KCNQ5: variants seen among roughly 807,000 people sequenced by gnomAD.
The protein encoded by KCNQ5 is potassium voltage-gated channel subfamily Q member 5, also known as potassium voltage-gated channel subfamily KQT member 5.
Under a neutral mutation model 98.2 loss-of-function variants are expected in KCNQ5, and 30 were observed. That is an observed-to-expected ratio of 0.31 (90% confidence interval 0.23 to 0.41). The LOEUF is 0.41. KCNQ5 is among the 10% of genes least tolerant of loss of function. KCNQ5 has a pLI of 1.00. For synonymous variants in KCNQ5, 458 were observed against 449.4 expected, an observed-to-expected ratio of 1.02 and a Z score of -0.24; for missense variants, 835 against 1,182.5, an observed-to-expected ratio of 0.71 and a Z score of 4.31.
chr6:72,790,935 T>C (rs1487032635), intron 1 of KCNQ5, among the ~76,000 whole-genome samples: 2 of 152,208 alleles, frequency 1.3e-5, no homozygotes, highest in African/African-American at 2.4e-5. Flanking sequence ...TGTTTGTTTT[T>C]AGTATGTGCC....
chr6:72,854,562 A>G (rs1777438877), intron 1 of KCNQ5, among the ~76,000 whole-genome samples: 1 of 151,884 alleles, frequency 6.6e-6, no homozygotes, highest in African/African-American at 2.4e-5. Context: ...GTCTTAAAAG[A>G]GAGAATAAGT....
At chr6:72,942,109 G>C (rs1196267918) in intron 1 of KCNQ5, among the ~76,000 whole-genome samples, 2 of 152,186 alleles carry the variant, frequency 1.3e-5, no homozygotes, top group Admixed American at 1.3e-4. Flanking sequence ...GAAGCTCAGG[G>C]AGGCAGGTAA....
chr6:72,842,828 G>C (rs1776857734), intron 1 of KCNQ5, among the ~76,000 whole-genome samples: 1 of 151,916 alleles, frequency 6.6e-6, no homozygotes, highest in South Asian at 2.1e-4. Flanking sequence ...CTTTTTGATG[G>C]GGCTCTTTGT....
chr6:73,175,482 C>A (rs539881499), intron 11 of KCNQ5, among the ~76,000 whole-genome samples: 1 of 152,246 alleles, frequency 6.6e-6, no homozygotes, highest in African/African-American at 2.4e-5. Context: ...CCATGAAGAG[C>A]AATCATGAGC....
chr6:73,144,206 A>G (rs996470994), intron 10 of KCNQ5, among the ~76,000 whole-genome samples: 2 of 152,210 alleles, frequency 1.3e-5, no homozygotes, highest in Non-Finnish European at 1.5e-5. Context: ...TGCTACCTGC[A>G]GTATAAAACT....
intron 1 of KCNQ5, among the ~76,000 whole-genome samples, chr6:72,658,855 C>T (rs1363422221): frequency 6.6e-6 from 1 of 152,132 alleles, no homozygotes; most frequent in East Asian, 1.9e-4. Context: ...GCTGGGATTA[C>T]AGGCATGAGC....
At chr6:73,155,889 G>T (rs1451698252) in intron 10 of KCNQ5, among the ~76,000 whole-genome samples, 1 of 152,184 alleles carries the variant, frequency 6.6e-6, no homozygotes, top group Non-Finnish European at 1.5e-5. Flanking sequence ...ACATTATCCA[G>T]AGTATTTTTC....
intron 1 of KCNQ5, among the ~76,000 whole-genome samples, chr6:72,812,519 G>A (rs746625852): frequency 2.0e-5 from 3 of 152,174 alleles, no homozygotes; most frequent in Non-Finnish European, 2.9e-5. Context: ...AAACCTCTGT[G>A]TACTGACATG....
chr6:73,147,615 A>G (rs16883411), intron 10 of KCNQ5, among the ~76,000 whole-genome samples: 6,216 of 152,216 alleles, frequency 0.041, 122 homozygotes, highest in East Asian at 0.078. Flanking sequence ...AGAGAGAGAC[A>G]TTTGTTTACT....
chr6:72,737,188 G>C (rs1038807062), intron 1 of KCNQ5, among the ~76,000 whole-genome samples: 1 of 152,120 alleles, frequency 6.6e-6, no homozygotes. Context: ...TTGAACTCCC[G>C]GCCTCAAGTG....
At chr6:73,020,539 G>T (rs536333997) in intron 2 of KCNQ5, among the ~76,000 whole-genome samples, 3 of 152,062 alleles carry the variant, frequency 2.0e-5, no homozygotes, top group South Asian at 2.1e-4. Flanking sequence ...TTTATGGAGG[G>T]TGCTTCATTA....
chr6:73,187,327 A>G (rs553336903), intron 11 of KCNQ5, among the ~76,000 whole-genome samples: 40 of 152,260 alleles, frequency 2.6e-4, no homozygotes, highest in Middle Eastern at 3.4e-3. Context: ...CCAAAGTGCT[A>G]GGATTACAGG....
intron 1 of KCNQ5, among the ~76,000 whole-genome samples, chr6:72,962,029 T>C (rs1767380541): frequency 6.6e-6 from 1 of 151,198 alleles, no homozygotes; most frequent in Non-Finnish European, 1.5e-5. Flanking sequence ...GTACAAAAAA[T>C]TAACTGGGTA....
At chr6:72,745,161 C>T (rs1418687283) in intron 1 of KCNQ5, among the ~76,000 whole-genome samples, 3 of 152,064 alleles carry the variant, frequency 2.0e-5, no homozygotes, top group East Asian at 3.9e-4. Flanking sequence ...TGTCTTATTG[C>T]TTTGCCATTT....
At chr6:73,019,457 T>G (rs528040558) in intron 2 of KCNQ5, among the ~76,000 whole-genome samples, 8 of 152,178 alleles carry the variant, frequency 5.3e-5, no homozygotes, top group Admixed American at 2.6e-4. Flanking sequence ...ATATTCTGAT[T>G]GATAATGCAG....
intron 2 of KCNQ5, among the ~76,000 whole-genome samples, chr6:73,023,414 G>A (rs1267875273): frequency 4.6e-5 from 7 of 152,200 alleles, no homozygotes; most frequent in South Asian, 4.1e-4. Flanking sequence ...CAGGAGATAC[G>A]GGAGTCTGGA....
At chr6:73,077,558 A>C in intron 4 of KCNQ5, 61 bp downstream of exon 4, 1 of 1,497,996 alleles carries the variant, frequency 6.7e-7, no homozygotes, top group Non-Finnish European at 9.0e-7. Context: ...TGATCGCTGT[A>C]ATAGTTAATA....
At chr6:72,765,469 A>G (rs931605032) in intron 1 of KCNQ5, among the ~76,000 whole-genome samples, 2 of 152,078 alleles carry the variant, frequency 1.3e-5, no homozygotes, top group Non-Finnish European at 2.9e-5. Context: ...GTCCATGGTG[A>G]TATTTAAGCA....
At chr6:73,091,550 T>C (rs1226792110) in intron 5 of KCNQ5, among the ~76,000 whole-genome samples, 2 of 152,130 alleles carry the variant, frequency 1.3e-5, no homozygotes, top group East Asian at 3.8e-4. Flanking sequence ...TGTTTTTGTT[T>C]GCTTTGTCCA....
Sources: allele counts gnomAD v4.1 joint callset (sites outside exome capture counted in the v4.1 genomes callset), GRCh38; gene constraint gnomAD v4.1.1; transcripts MANE v1.5; gene names NCBI Gene and HGNC (gene_info 2026-07-23, HGNC 2026-07-21).